Variants in SMCHD1 observed in about 807,000 individuals in gnomAD.
SMCHD1 encodes structural maintenance of chromosomes flexible hinge domain containing 1.
SMCHD1 carries 78 observed loss-of-function variants against 254.7 expected under a neutral mutation model. The observed-to-expected ratio is 0.31, with a 90% CI of 0.26 to 0.37. SMCHD1 has a LOEUF of 0.37. Ranked by LOEUF, SMCHD1 falls within the 10% of genes least tolerant of loss-of-function variation. The probability of loss-of-function intolerance (pLI) is 1.00; values close to 1 mark genes in which losing one functional copy is unlikely to be tolerated. For missense variants in SMCHD1, 1,840 were observed against 2,408.1 expected (o/e 0.76, Z 4.94); for synonymous variants, 766 against 794.9 (o/e 0.96, Z 0.61).
In SMCHD1 at chr18:2,750,559, A is replaced by C. The variant is rs1000274445; in HGVS notation, c.4165+52A>C. On this transcript the variant is annotated intron_variant, in intron 32 of 47. Transcript: ENST00000320876. Reference sequence around the variant, plus strand: ...TCTATAATGATAATTTGCTTTGTACATTAGTGGAATAAATTACTTATCCTA... The same window carrying C: ...TCTATAATGATAATTTGCTTTGTACCTTAGTGGAATAAATTACTTATCCTA... 2.1e-6 allele frequency: 3 copies of C among 1,437,852 alleles called. No homozygotes were observed. The African/African-American group carries it at 4.3e-5, about 20-fold the overall frequency. The allele number at this position is 1,437,852 out of a possible 1,614,324, so 89.1% of individuals were successfully genotyped here. A position where few individuals can be genotyped will look rare whatever the true frequency, so the allele number is the denominator to read the frequency against.
intron 7 of SMCHD1, among the ~76,000 whole-genome samples, chr18:2,693,622 T>TTTG (rs2074226863): frequency 4.0e-5 from 6 of 149,276 alleles, no homozygotes; most frequent in Admixed American, 3.3e-4. Context: ...ATACCATGTT[T>TTTG]TTTGTTTGTT....
chr18:2,773,335 A>T (rs1427080768), intron 41 of SMCHD1, among the ~76,000 whole-genome samples: 1 of 152,188 alleles, frequency 6.6e-6, no homozygotes, highest in Admixed American at 6.6e-5. Flanking sequence ...TGGCTTCCAC[A>T]TTTTAATAGT....
intron 45 of SMCHD1, among the ~76,000 whole-genome samples, chr18:2,795,527 GT>G (rs2076247604): frequency 6.6e-6 from 1 of 152,082 alleles, no homozygotes; most frequent in African/African-American, 2.4e-5. Flanking sequence ...GAAACCCCCT[GT>G]TACTCATCAG....
chr18:2,698,081 G>A (rs1333709344), intron 10 of SMCHD1, 40 bp downstream of exon 10: 1 of 1,468,972 alleles, frequency 6.8e-7, no homozygotes, highest in Non-Finnish European at 9.4e-7. Context: ...ATATGAAGTT[G>A]TAATTTAGGA....
intron 29 of SMCHD1, among the ~76,000 whole-genome samples, chr18:2,744,727 T>TC (rs1178127894): frequency 1.3e-5 from 2 of 152,254 alleles, no homozygotes. Context: ...AACTTAATAC[T>TC]CCTAACTGAA....
Position 2,697,139 on chromosome 18 carries a change from T to C in SMCHD1, c.1131+17T>C. The C allele has an allele frequency of 8.2e-7, 1 of 1,214,644 alleles. No homozygotes were observed. The highest frequency in any genetic ancestry group is 1.1e-6 in the Non-Finnish European group (1 of 875,950). The allele number at this position is 1,214,644 out of a possible 1,614,324, so 75.2% of individuals were successfully genotyped here. On this transcript the variant is annotated intron_variant, in intron 9 of 47. Coordinates refer to ENST00000320876, the MANE Select transcript of SMCHD1 (RefSeq NM_015295.3). ...GATATTGAAGTAAGAGAAAAATCCA[T>C]CTTAAAATAATAAAAATTATGAGAT...
intron 29 of SMCHD1, among the ~76,000 whole-genome samples, chr18:2,744,907 G>A (rs1340422594): frequency 3.9e-5 from 6 of 152,248 alleles, no homozygotes; most frequent in South Asian, 4.1e-4. Flanking sequence ...GCATTGGCAC[G>A]ATCTTGGCTC....
At chr18:2,673,027 C>A in intron 3 of SMCHD1, 1 of 979,242 alleles carries the variant, frequency 1.0e-6, no homozygotes, top group Non-Finnish European at 1.2e-6. Flanking sequence ...ATTATAAACT[C>A]CTTGAAGCCA....
At chr18:2,706,600 T>C in intron 15 of SMCHD1, 130 bp downstream of exon 15, 1 of 519,832 alleles carries the variant, frequency 1.9e-6, no homozygotes, top group Non-Finnish European at 3.3e-6. Flanking sequence ...CCTATTGAGA[T>C]GAACTTCTTG....
intron 37 of SMCHD1, among the ~76,000 whole-genome samples, chr18:2,768,645 T>G (rs995116270): frequency 4.0e-5 from 4 of 100,418 alleles, no homozygotes; most frequent in Non-Finnish European, 9.5e-5. Context: ...ATATATAGTA[T>G]ACAGTATATA....
In SMCHD1 at chr18:2,703,813, C is replaced by T; in HGVS notation, c.1769C>T (p.Ser590Phe). 6.2e-7 allele frequency: 1 copy of T among 1,612,902 alleles called. No individual in the cohort carries two copies. Among genetic ancestry groups the T allele is most frequent in the African/African-American group, 1.3e-5 (1 of 74,974 alleles). ...KGVITRPDLP[S>F]KKQGPWATYA... Reference sequence around the variant, plus strand: ...GTAATTACACGTCCTGATCTTCCTTCTAAAAAGCAAGGTCCCTGGGCAACA... The same window carrying T: ...GTAATTACACGTCCTGATCTTCCTTTTAAAAAGCAAGGTCCCTGGGCAACA... The change falls in exon 13 of 48, where the codon TCT becomes TTT. Residue 590 changes from serine (S) to phenylalanine (F), a missense_variant. Ser to Phe is a radical substitution (Grantham distance 155). Coordinates refer to ENST00000320876, the MANE Select transcript of SMCHD1 (RefSeq NM_015295.3).
intron 2 of SMCHD1, among the ~76,000 whole-genome samples, 179 bp from the exon 3 acceptor site, chr18:2,666,691 G>GT (rs1346760559): frequency 6.6e-6 from 1 of 152,218 alleles, no homozygotes; most frequent in African/African-American, 2.4e-5. Flanking sequence ...ATGGAAGGAA[G>GT]TATTTGTGCT....
chr18:2,788,246 A>G (rs899102935), intron 45 of SMCHD1, among the ~76,000 whole-genome samples: 3 of 152,208 alleles, frequency 2.0e-5, no homozygotes, highest in Admixed American at 6.5e-5. Context: ...ATAAGAGCAA[A>G]TCAGAGCATA....
At chr18:2,771,952 T>C (rs2075991653) in intron 40 of SMCHD1, among the ~76,000 whole-genome samples, 1 of 152,166 alleles carries the variant, frequency 6.6e-6, no homozygotes, top group South Asian at 2.1e-4. Flanking sequence ...AAATTTATAT[T>C]CTTTTATATG....
intron 39 of SMCHD1, 76 bp from the exon 40 acceptor site, chr18:2,771,457 A>G (rs908171528): frequency 1.8e-6 from 2 of 1,083,672 alleles, no homozygotes; most frequent in African/African-American, 1.7e-5. Context: ...AACAAAAGGA[A>G]CTTTAAAATA....
intron 47 of SMCHD1, among the ~76,000 whole-genome samples, chr18:2,798,389 CTT>C (rs1359162409): frequency 6.6e-6 from 1 of 152,274 alleles, no homozygotes; most frequent in East Asian, 1.9e-4. Flanking sequence ...AAGAAAGACT[CTT>C]TGCAGTGGAT....
chr18:2,785,248 TTC>T, intron 45 of SMCHD1, among the ~76,000 whole-genome samples: 1 of 152,232 alleles, frequency 6.6e-6, no homozygotes, highest in Non-Finnish European at 1.5e-5. Context: ...ATATAATTAA[TTC>T]TGATACACTC....
chr18:2,684,003 C>A (rs1203921310), intron 5 of SMCHD1, among the ~76,000 whole-genome samples: 1 of 151,944 alleles, frequency 6.6e-6, no homozygotes. Context: ...TGTATTATTA[C>A]ATTTAATGTA....
At position 2,762,271 on chromosome 18, in the gene SMCHD1, A is replaced by G. The variant is rs1206606992; in HGVS notation, c.4566+35A>G. The G allele has an allele frequency of 4.4e-6, 7 of 1,601,248 alleles. No individual in the cohort carries two copies. In the Admixed American group the frequency reaches 8.4e-5, roughly 19 times the overall value. ...ATTTTCTTCCAAAACTGCGAAGGGTAACAAGAAAAATTATCTTTGATTTTA... is the reference window on the plus strand; with the variant it reads ...ATTTTCTTCCAAAACTGCGAAGGGTGACAAGAAAAATTATCTTTGATTTTA... On this transcript the variant is annotated intron_variant, in intron 36 of 47. Transcript: ENST00000320876.
Sources: allele counts gnomAD v4.1 joint callset (sites outside exome capture counted in the v4.1 genomes callset), GRCh38; gene constraint gnomAD v4.1.1; transcripts MANE v1.5; gene names NCBI Gene and HGNC (gene_info 2026-07-23, HGNC 2026-07-21).